Variants in SYCE2 observed in about 807,000 individuals in gnomAD.
SYCE2 encodes the protein synaptonemal complex central element protein 2.
Under a neutral mutation model 27.9 loss-of-function variants are expected in SYCE2, and 3 were observed. That is an observed-to-expected ratio of 0.11 (90% CI 0.05 to 0.28). The LOEUF (loss-of-function observed/expected upper bound fraction) is 0.28, where lower values mean the gene tolerates loss of function less well. Ranked by LOEUF, SYCE2 falls within the 10% of genes least tolerant of loss-of-function variation. SYCE2 has a pLI of 1.00. For synonymous variants in SYCE2, 85 were observed against 100.7 expected (o/e 0.84, Z 0.93); for missense variants, 207 against 263.5 (o/e 0.79, Z 1.48).
In SYCE2 at chr19:12,919,288, C is replaced by G. The variant is rs373378318; in HGVS notation, c.-31G>C. Reference sequence around the variant, plus strand: ...ATTTTCCCGCCTTCAAGCTCGCACCCTCTGCGCATGCGCCGACCCCGCCCC... The same window carrying G: ...ATTTTCCCGCCTTCAAGCTCGCACCGTCTGCGCATGCGCCGACCCCGCCCC... On this transcript the variant is annotated 5_prime_UTR_variant, in exon 1 of 6. Transcript: ENST00000293695. 4 of 1,608,362 alleles carry G rather than the reference C, an allele frequency of 2.5e-6. No individual in the cohort carries two copies. The highest frequency in any genetic ancestry group is 1.6e-4 in the Middle Eastern group (1 of 6,084).
chr19:12,906,601 G>A (rs139218305), intron 2 of SYCE2, among the ~76,000 whole-genome samples: 1 of 152,260 alleles, frequency 6.6e-6, no homozygotes, highest in African/African-American at 2.4e-5. Flanking sequence ...CCAAGGCCTT[G>A]TTCTCTGCTT....
chr19:12,907,557 G>A (rs1479667625), intron 2 of SYCE2, among the ~76,000 whole-genome samples: 3 of 151,104 alleles, frequency 2.0e-5, no homozygotes, highest in East Asian at 2.0e-4. Flanking sequence ...TTGGGAGGCC[G>A]AGGCGGGTAG....
chr19:12,915,527 G>C (rs994115023), intron 2 of SYCE2, among the ~76,000 whole-genome samples: 2 of 151,374 alleles, frequency 1.3e-5, no homozygotes, highest in African/African-American at 4.9e-5. Context: ...GCTTGAATCT[G>C]GGAGGGGGAG....
intron 2 of SYCE2, among the ~76,000 whole-genome samples, chr19:12,916,992 T>A (rs1210322712): frequency 6.6e-6 from 1 of 151,900 alleles, no homozygotes; most frequent in South Asian, 2.1e-4. Context: ...TCAAGTTATC[T>A]GCCAGCGCCA....
Sources: allele counts gnomAD v4.1 joint callset (sites outside exome capture counted in the v4.1 genomes callset), GRCh38; gene constraint gnomAD v4.1.1; transcripts MANE v1.5; gene names NCBI Gene and HGNC (gene_info 2026-07-23, HGNC 2026-07-21).